GFRA2: variants seen among roughly 807,000 people sequenced by gnomAD.
GFRA2 encodes GDNF family receptor alpha 2.
Under a neutral mutation model 48.3 loss-of-function variants are expected in GFRA2, and 17 were observed. The ratio of observed to expected loss-of-function variants is 0.35; its 90% CI spans 0.24 to 0.53. The LOEUF (loss-of-function observed/expected upper bound fraction) is 0.53. Among genes scored for constraint, GFRA2 ranks in the 20% least tolerant of loss-of-function variants. GFRA2 has a pLI of 0.93. For synonymous variants in GFRA2, 305 were observed against 257.2 expected, an observed-to-expected ratio of 1.19 and a Z score of -1.78; for missense variants, 660 against 637.3, an observed-to-expected ratio of 1.04 and a Z score of -0.38.
At chr8:21,693,641 T>A (rs955992230) in intron 8 of GFRA2, among the ~76,000 whole-genome samples, 2 of 151,882 alleles carry the variant, frequency 1.3e-5, no homozygotes, top group Admixed American at 6.6e-5. Flanking sequence ...CCCTGGGGTT[T>A]GGAGAGGAGG....
intron 4 of GFRA2, among the ~76,000 whole-genome samples, chr8:21,735,629 G>C (rs1804418892): frequency 6.6e-6 from 1 of 152,164 alleles, no homozygotes; most frequent in African/African-American, 2.4e-5. Context: ...CCAAATGAAA[G>C]AAACAACAAT....
intron 2 of GFRA2, among the ~76,000 whole-genome samples, chr8:21,803,353 G>A (rs1410749073): frequency 2.0e-5 from 3 of 152,312 alleles, no homozygotes; most frequent in South Asian, 2.1e-4. Flanking sequence ...TAGAAGATAT[G>A]AGGAAACATG....
chr8:21,714,537 G>A (rs1315615104), intron 4 of GFRA2, among the ~76,000 whole-genome samples: 1 of 152,010 alleles, frequency 6.6e-6, no homozygotes, highest in Non-Finnish European at 1.5e-5. Flanking sequence ...AGGCCTGACT[G>A]AAGTTCTCGT....
At chr8:21,807,443 G>A (rs745473323) in intron 1 of GFRA2, among the ~76,000 whole-genome samples, 6 of 152,130 alleles carry the variant, frequency 3.9e-5, no homozygotes, top group Non-Finnish European at 4.4e-5. Context: ...TAAATTACCC[G>A]GTCTGCGGTA....
intron 4 of GFRA2, among the ~76,000 whole-genome samples, chr8:21,733,009 T>C (rs1388736205): frequency 1.3e-5 from 2 of 152,198 alleles, no homozygotes; most frequent in Non-Finnish European, 2.9e-5. Flanking sequence ...GCACCCAGGT[T>C]CTTCTGAGAC....
chr8:21,717,794 G>A (rs1803405265), intron 4 of GFRA2, among the ~76,000 whole-genome samples: 1 of 152,172 alleles, frequency 6.6e-6, no homozygotes, highest in Non-Finnish European at 1.5e-5. Flanking sequence ...GCTATCCTGG[G>A]AAATGGCCAC....
chr8:21,796,707 AC>A (rs1244401615), intron 2 of GFRA2, among the ~76,000 whole-genome samples: 1 of 151,836 alleles, frequency 6.6e-6, no homozygotes, highest in Non-Finnish European at 1.5e-5. Flanking sequence ...CCTTCCCCCC[AC>A]TGTCCCCATG....
At chr8:21,757,675 T>A (rs921789905) in intron 3 of GFRA2, among the ~76,000 whole-genome samples, 4 of 151,632 alleles carry the variant, frequency 2.6e-5, no homozygotes, top group Admixed American at 6.6e-5. Flanking sequence ...ATTTTTTGTA[T>A]TTTTTTTAGT....
intron 4 of GFRA2, among the ~76,000 whole-genome samples, chr8:21,742,849 A>T (rs1804820408): frequency 6.6e-6 from 1 of 152,212 alleles, no homozygotes; most frequent in African/African-American, 2.4e-5. Flanking sequence ...TCCGCATCTC[A>T]TCCACCTGGG....
intron 2 of GFRA2, among the ~76,000 whole-genome samples, chr8:21,796,640 T>G (rs370311106): frequency 6.6e-6 from 1 of 152,202 alleles, no homozygotes; most frequent in Non-Finnish European, 1.5e-5. Flanking sequence ...ATGCCTACCC[T>G]CTCACCTTGA....
intron 4 of GFRA2, among the ~76,000 whole-genome samples, chr8:21,749,943 A>G (rs556963109): frequency 2.0e-5 from 3 of 152,282 alleles, no homozygotes; most frequent in East Asian, 1.9e-4. Context: ...CGCAGAGCCT[A>G]GAACATAGTA....
At chr8:21,714,913 G>A (rs1425333796) in intron 4 of GFRA2, among the ~76,000 whole-genome samples, 1 of 152,128 alleles carries the variant, frequency 6.6e-6, no homozygotes, top group Non-Finnish European at 1.5e-5. Flanking sequence ...CTCATGATAG[G>A]TTTCATAGAC....
chr8:21,773,691 T>A (rs1333391072), intron 3 of GFRA2, among the ~76,000 whole-genome samples: 2 of 151,990 alleles, frequency 1.3e-5, no homozygotes, highest in African/African-American at 2.4e-5. Flanking sequence ...AAAACAATAA[T>A]GGAAAAAAAA....
At chr8:21,809,238 G>C (rs1807931542) in intron 1 of GFRA2, among the ~76,000 whole-genome samples, 1 of 152,208 alleles carries the variant, frequency 6.6e-6, no homozygotes, top group Non-Finnish European at 1.5e-5. Flanking sequence ...GACCAGGAGA[G>C]AGCCCTTCTA....
chr8:21,798,307 C>T (rs777701632), intron 2 of GFRA2, among the ~76,000 whole-genome samples: 17 of 152,150 alleles, frequency 1.1e-4, no homozygotes, highest in Non-Finnish European at 2.2e-4. Flanking sequence ...TCTGGGGTAG[C>T]GCAATGCCCA....
intron 1 of GFRA2, among the ~76,000 whole-genome samples, chr8:21,810,070 C>T (rs188662330): frequency 1.3e-5 from 2 of 152,324 alleles, no homozygotes; most frequent in East Asian, 3.9e-4. Context: ...GCCTTGGTCT[C>T]TCACCAGCTC....
intron 3 of GFRA2, among the ~76,000 whole-genome samples, chr8:21,765,901 C>G (rs1398556549): frequency 6.6e-6 from 1 of 152,124 alleles, no homozygotes; most frequent in African/African-American, 2.4e-5. Context: ...AAAATATATT[C>G]CCAGCCCATG....
chr8:21,753,509 C>T lies in GFRA2; in HGVS notation c.440-2567G>A, dbSNP rs73537612. Among the ~76,000 whole-genome samples the T allele has an allele frequency of 5.3e-3, 799 of 152,102 alleles. 7 individuals are homozygous for T. The highest frequency in any genetic ancestry group is 0.018 in the African/African-American group (746 of 41,500). On this transcript the variant is annotated intron_variant, in intron 3 of 8. Transcript: ENST00000524240. ...GGACTACACCCAGCTACACGGGAGA[C>T]TGAGGCAGTAGAATCACTTGAATCA...
chr8:21,794,535 G>C (rs1481989107), intron 2 of GFRA2, among the ~76,000 whole-genome samples: 1 of 152,154 alleles, frequency 6.6e-6, no homozygotes, highest in Non-Finnish European at 1.5e-5. Context: ...ACAGGCGTGA[G>C]CCACCACACC....
Sources: gnomAD v4.1 joint callset for allele counts (sites outside exome capture counted in the v4.1 genomes callset) on GRCh38, gnomAD v4.1.1 for gene constraint, MANE v1.5 for transcripts, NCBI Gene and HGNC (gene_info 2026-07-23, HGNC 2026-07-21) for gene names.